The following DDHD1 variants were observed in gnomAD, a reference collection of about 807,000 sequenced individuals.
The protein encoded by DDHD1 is DDHD domain containing 1, also known as phospholipase DDHD1.
DDHD1 carries 49 observed loss-of-function variants against 96.4 expected under a neutral mutation model. The ratio of observed to expected loss-of-function variants is 0.51; its 90% CI spans 0.40 to 0.64. The LOEUF is 0.64. DDHD1 is among the 30% of genes least tolerant of loss of function. The pLI is 0.00. For synonymous variants in DDHD1, 442 were observed against 446.5 expected (o/e 0.99, Z 0.13); for missense variants, 1,106 against 1,161.2 (o/e 0.95, Z 0.69).
Position 53,037,171 on chromosome 14 carries a change from C to CA in DDHD1, c.*9596dup, listed in dbSNP as rs1198463775. 2.0e-5 allele frequency: 3 copies of CA among 152,186 alleles called. No homozygotes were observed. The East Asian group carries it at 5.8e-4, about 29-fold the overall frequency. 9.4% of individuals were successfully genotyped at this position (152,186 alleles called of 1,614,324 possible). Reference sequence around the variant, plus strand: ...TGTACCACATTTTCTTTATCCAGTCCACTGTTGATGGGCAGCCACGTTGAT... The same window carrying CA: ...TGTACCACATTTTCTTTATCCAGTCCAACTGTTGATGGGCAGCCACGTTGAT... On this transcript the variant is annotated 3_prime_UTR_variant, in exon 13 of 13. Transcript: ENST00000673822.
At chr14:53,136,715 G>T (rs1393036361) in intron 1 of DDHD1, among the ~76,000 whole-genome samples, 1 of 152,140 alleles carries the variant, frequency 6.6e-6, no homozygotes, top group African/African-American at 2.4e-5. Context: ...TCCTCAGAAA[G>T]GTAATGCCTC....
At chr14:53,058,453 A>G in intron 9 of DDHD1, 24 bp downstream of exon 9, 5 of 1,580,952 alleles carry the variant, frequency 3.2e-6, no homozygotes, top group Non-Finnish European at 4.3e-6. Context: ...ATTGAGAAAA[A>G]AAAGAGTCTA....
intron 2 of DDHD1, among the ~76,000 whole-genome samples, chr14:53,095,682 A>C (rs1035034032): frequency 6.6e-6 from 1 of 152,206 alleles, no homozygotes; most frequent in African/African-American, 2.4e-5. Flanking sequence ...CTTTTCATAA[A>C]CTAAAAAAAA....
chr14:53,056,700 G>C (rs544927726), intron 9 of DDHD1, among the ~76,000 whole-genome samples: 1 of 152,306 alleles, frequency 6.6e-6, no homozygotes, highest in African/African-American at 2.4e-5. Context: ...ACAGAGATGT[G>C]AGAAAGAACA....
At chr14:53,069,544 A>AT (rs1884336381) in intron 6 of DDHD1, among the ~76,000 whole-genome samples, 1 of 152,198 alleles carries the variant, frequency 6.6e-6, no homozygotes, top group Admixed American at 6.5e-5. Context: ...TGTAACCATA[A>AT]TTTTATATGT....
Position 53,046,933 on chromosome 14 carries a change from C to T in DDHD1, c.2538G>A (p.Arg846=). 5 of 1,606,672 alleles carry T rather than the reference C, an allele frequency of 3.1e-6. No homozygotes were observed. The highest frequency in any genetic ancestry group is 4.2e-6 in the Non-Finnish European group (5 of 1,176,928). Residue 846 remains arginine, a synonymous_variant, in exon 13 of 13, where the codon AGG becomes AGA. Transcript: ENST00000673822. ...KDNALVELDH[R]IDFELREGLV... ...GGCCTTCTCTGAGTTCAAAATCAAT[C>T]CTGTGATCCAACTCCACTAAAAAGA...
At chr14:53,104,139 G>T (rs1039438728) in intron 1 of DDHD1, among the ~76,000 whole-genome samples, 3 of 152,028 alleles carry the variant, frequency 2.0e-5, no homozygotes, top group Non-Finnish European at 4.4e-5. Context: ...TTGCCGTGTT[G>T]CCCAGACTGG....
chr14:53,058,420 A>T (rs1057374795), intron 9 of DDHD1, 57 bp downstream of exon 9: 9 of 1,553,502 alleles, frequency 5.8e-6, no homozygotes, highest in Non-Finnish European at 7.0e-6. Context: ...CAGCTGATAG[A>T]TTCTTTTTAG....
intron 1 of DDHD1, among the ~76,000 whole-genome samples, chr14:53,139,387 C>A: frequency 6.6e-6 from 1 of 152,022 alleles, no homozygotes; most frequent in African/African-American, 2.4e-5. Flanking sequence ...AAAGGGAAAA[C>A]CTGAAGCTAA....
intron 1 of DDHD1, among the ~76,000 whole-genome samples, chr14:53,108,433 A>C (rs1377742317): frequency 6.6e-5 from 10 of 152,194 alleles, no homozygotes; most frequent in Non-Finnish European, 2.9e-5. Context: ...AGGTCAGAGA[A>C]CGTGAGACTT....
intron 1 of DDHD1, 25 bp downstream of exon 1, chr14:53,152,236 G>C (rs369843583): frequency 4.2e-4 from 658 of 1,576,182 alleles, no homozygotes; most frequent in Non-Finnish European, 5.3e-4. Context: ...AGCCCGTCCT[G>C]CCCTAACCCC....
chr14:53,068,243 C>CTTTTTTTTTTTTTTT (rs55662153), intron 6 of DDHD1, among the ~76,000 whole-genome samples: 2 of 104,476 alleles, frequency 1.9e-5, no homozygotes, highest in Non-Finnish European at 3.6e-5. Context: ...CTTTATGATA[C>CTTTTTTTTTTTTTTT]TTTTTTTTTT....
chr14:53,072,750 G>T, intron 5 of DDHD1, 47 bp from the exon 6 acceptor site: 1 of 1,382,598 alleles, frequency 7.2e-7, no homozygotes, highest in Non-Finnish European at 1.0e-6. Flanking sequence ...GAAAGTCTCT[G>T]TTACAGGAAA....
intron 1 of DDHD1, among the ~76,000 whole-genome samples, chr14:53,139,232 TG>T (rs1481723897): frequency 1.3e-5 from 2 of 152,136 alleles, no homozygotes; most frequent in African/African-American, 2.4e-5. Flanking sequence ...AGAGACACTG[TG>T]CCTAAGAATA....
At position 53,052,040 on chromosome 14, in the gene DDHD1, C is replaced by T. The variant is rs1156750902; in HGVS notation, c.2438-113G>A. 6 of 735,090 alleles carry T rather than the reference C, an allele frequency of 8.2e-6. No individual in the cohort carries two copies. In the East Asian group the frequency reaches 1.6e-4, roughly 20 times the overall value. 45.5% of individuals were successfully genotyped at this position (735,090 alleles called of 1,614,324 possible). A position where few individuals can be genotyped will look rare whatever the true frequency, so the allele number is the denominator to read the frequency against. ...ATACTCCCAAATAAACTGACTAAAT[C>T]TAGCATACATAAAGTAGTACACATC... On this transcript the variant is annotated intron_variant, in intron 11 of 12. Transcript: ENST00000673822.
At chr14:53,091,699 A>T in intron 4 of DDHD1, 86 bp downstream of exon 4, 4 of 1,380,542 alleles carry the variant, frequency 2.9e-6, no homozygotes, top group Non-Finnish European at 4.0e-6. Flanking sequence ...ATGCAGTGGA[A>T]TTAGTATACT....
At chr14:53,143,598 C>T (rs1046222633) in intron 1 of DDHD1, among the ~76,000 whole-genome samples, 4 of 152,090 alleles carry the variant, frequency 2.6e-5, no homozygotes, top group Middle Eastern at 3.2e-3. Flanking sequence ...CGACTTAGAA[C>T]TTTTTAAAAG....
At chr14:53,145,202 C>T (rs1389407958) in intron 1 of DDHD1, among the ~76,000 whole-genome samples, 1 of 151,746 alleles carries the variant, frequency 6.6e-6, no homozygotes, top group African/African-American at 2.4e-5. Context: ...GTTTTAAAAT[C>T]TTCAGTTTTA....
intron 2 of DDHD1, among the ~76,000 whole-genome samples, chr14:53,102,387 T>C (rs1383866832): frequency 6.6e-6 from 1 of 152,100 alleles, no homozygotes; most frequent in Admixed American, 6.5e-5. Context: ...GTAAGAACCT[T>C]TAGTTTAAAT....
Sources: gnomAD v4.1 joint callset for allele counts (sites outside exome capture counted in the v4.1 genomes callset) on GRCh38, gnomAD v4.1.1 for gene constraint, MANE v1.5 for transcripts, NCBI Gene and HGNC (gene_info 2026-07-23, HGNC 2026-07-21) for gene names.